Variants in ACSBG2 observed in about 807,000 individuals in gnomAD.
ACSBG2 encodes the protein acyl-CoA synthetase bubblegum family member 2.
In ACSBG2, 62 loss-of-function variants were observed where a neutral mutation model predicts 74.7. The observed-to-expected ratio is 0.83, with a 90% CI of 0.68 to 1.03. ACSBG2 has a LOEUF of 1.03. Among genes scored for constraint, ACSBG2 ranks in the 50% least tolerant of loss-of-function variants. The pLI is 0.00. For missense variants in ACSBG2, 730 were observed against 817.6 expected, an observed-to-expected ratio of 0.89 and a Z score of 1.31; for synonymous variants, 309 against 294.1, an observed-to-expected ratio of 1.05 and a Z score of -0.52.
chr19:6,142,143 T>C (rs967515623), intron 2 of ACSBG2, among the ~76,000 whole-genome samples: 2 of 152,152 alleles, frequency 1.3e-5, no homozygotes, highest in Admixed American at 6.5e-5. Context: ...ACTTGCTCTT[T>C]GGAGGCCTCA....
rs1315158492 is a variant in ACSBG2, at chr19:6,183,255, T to G, written c.1305T>G (p.Asn435Lys). 6.2e-7 allele frequency: 1 copy of G among 1,613,774 alleles called. No individual in the cohort carries two copies. Among genetic ancestry groups the G allele is most frequent in the Non-Finnish European group, 8.5e-7 (1 of 1,179,670 alleles). ...SSGPHTISNQNNYRLLSCGKI... is the reference protein window; with the variant it reads ...SSGPHTISNQKNYRLLSCGKI... Reference sequence around the variant, plus strand: ...GACCCCACACGATATCCAACCAGAATAACTACAGGCTTCTAAGGTACCAGC... The same window carrying G: ...GACCCCACACGATATCCAACCAGAAGAACTACAGGCTTCTAAGGTACCAGC... The change falls in exon 10 of 15, where the codon AAT (asparagine) becomes AAG (lysine). Residue 435 changes from asparagine (N) to lysine (K), a missense_variant. Coordinates refer to ENST00000588485, the MANE Select transcript of ACSBG2 (RefSeq NM_030924.5).
intron 13 of ACSBG2, 53 bp from the exon 14 acceptor site, chr19:6,190,527 GGTGT>G (rs1600145802): frequency 6.9e-7 from 1 of 1,450,316 alleles, no homozygotes. Context: ...GTCATGCATG[GGTGT>G]GTGTAATTTT....
intron 10 of ACSBG2, among the ~76,000 whole-genome samples, chr19:6,184,863 A>AC (rs2090360102): frequency 7.1e-6 from 1 of 139,866 alleles, no homozygotes; most frequent in Non-Finnish European, 1.5e-5. Flanking sequence ...AAAAAAAAAA[A>AC]AAAAAAAAAC....
rs573781157 is a variant in ACSBG2 at position 6,143,988 on chromosome 19, TGTTA to T, written c.67+2386_67+2389del. On this transcript the variant is annotated intron_variant, in intron 2 of 14. Transcript: ENST00000588485. ...TTGTTTGGTTTTGTTGTTGTTTTTT[TGTTA>T]GTTAGTTTGTTTGTTTGGTTTTTGA... is the stretch of plus-strand genomic sequence containing the variant. Among the ~76,000 whole-genome samples, 919 of 151,344 alleles carry T rather than the reference TGTTA, an allele frequency of 6.1e-3. 5 individuals are homozygous for T. The highest frequency in any genetic ancestry group is 9.9e-3 in the Non-Finnish European group (676 of 67,974).
At chr19:6,138,490 G>A (rs1337571748) in intron 1 of ACSBG2, among the ~76,000 whole-genome samples, 1 of 130,208 alleles carries the variant, frequency 7.7e-6, no homozygotes, top group Non-Finnish European at 1.6e-5. Flanking sequence ...GGGGAAGGGG[G>A]AAGGGGGAGG....
intron 7 of ACSBG2, among the ~76,000 whole-genome samples, chr19:6,169,071 G>A (rs905782922): frequency 2.0e-5 from 3 of 152,178 alleles, no homozygotes; most frequent in Admixed American, 6.5e-5. Flanking sequence ...GAGCCATGGC[G>A]CCTGGCCAAT....
chr19:6,168,999 G>C lies in ACSBG2; in HGVS notation c.738+2984G>C, dbSNP rs542219062. The stretch of plus-strand genomic sequence containing the variant: ...TCGCTATGTTGGGCAGGCTGGTCTC[G>C]AACTCCTGACTTCAAGTGATCCACC... On this transcript the variant is annotated intron_variant, in intron 7 of 14. Transcript: ENST00000588485. Among the ~76,000 whole-genome samples, 31 of 152,238 alleles carry C rather than the reference G, an allele frequency of 2.0e-4. No individual in the cohort carries two copies. In the South Asian group the frequency reaches 5.0e-3, roughly 24 times the overall value.
At chr19:6,179,020 G>C (rs1165159361) in intron 8 of ACSBG2, among the ~76,000 whole-genome samples, 3 of 152,160 alleles carry the variant, frequency 2.0e-5, no homozygotes, top group Middle Eastern at 3.2e-3. Flanking sequence ...ATCCATGTGG[G>C]ATAGGGAGCA....
rs1174676503 is a variant in ACSBG2, at chr19:6,152,391, C to T, written c.386+596C>T. On this transcript the variant is annotated intron_variant, in intron 4 of 14. Coordinates refer to ENST00000588485, the MANE Select transcript of ACSBG2 (RefSeq NM_030924.5). ...CTGCAAGCTCCGCTTCCCGGGTTCA[C>T]GCCATTCTCCTGCCTCAGGCTCCCG... Among the ~76,000 whole-genome samples, 3 of 67,456 alleles carry T rather than the reference C, an allele frequency of 4.4e-5. 1 individual carries two copies. Among genetic ancestry groups the T allele is most frequent in the African/African-American group, 1.3e-4 (3 of 22,872 alleles). 44.3% of individuals were successfully genotyped at this position (67,456 alleles called of 152,430 possible).
intron 8 of ACSBG2, among the ~76,000 whole-genome samples, chr19:6,179,316 T>TC: frequency 6.8e-6 from 1 of 147,924 alleles, no homozygotes; most frequent in African/African-American, 2.5e-5. Context: ...TTTTTTTTTT[T>TC]AGAGACAAGG....
chr19:6,174,139 G>T lies in ACSBG2; in HGVS notation c.739-3090G>T, dbSNP rs61386619. 0.02 allele frequency among the ~76,000 whole-genome samples: 3,117 copies of T among 152,116 alleles called. 108 individuals carry two copies. Among genetic ancestry groups the T allele is most frequent in the African/African-American group, 0.07 (2,925 of 41,490 alleles). The stretch of plus-strand genomic sequence containing the variant: ...ATTAGTAGAGATGGGGTTTCACCAC[G>T]TTGGCCAGGCTGGTCTCGAACTCCT... On this transcript the variant is annotated intron_variant, in intron 7 of 14. Transcript: ENST00000588485. The surrounding 1 kb of genome is among the most constrained non-coding windows in gnomAD (Gnocchi z 4.2).
Position 6,190,627 on chromosome 19 carries a change from C to CA in ACSBG2, c.1977dup (p.Gln660ThrfsTer3), listed in dbSNP as rs761843213. ...AGAGACATTTTGTAGCCCAGAAATA[C>CA]AAAAAACAAATTGATCACATGTACC... is the stretch of plus-strand genomic sequence containing the variant. On this transcript the variant is annotated frameshift_variant, in exon 14 of 15. Transcript: ENST00000588485. LOFTEE classifies it high-confidence loss of function. 20 of 1,614,006 alleles carry CA rather than the reference C, an allele frequency of 1.2e-5. No individual in the cohort carries two copies. The highest frequency in any genetic ancestry group is 1.6e-4 in the Middle Eastern group (1 of 6,062).
At position 6,147,531 on chromosome 19, in the gene ACSBG2, G is replaced by T. The variant is rs940861063; in HGVS notation, c.153G>T (p.Met51Ile). 9 of 1,614,158 alleles carry T rather than the reference G, an allele frequency of 5.6e-6. No homozygotes were observed. Among genetic ancestry groups the T allele is most frequent in the Non-Finnish European group, 7.6e-6 (9 of 1,180,032 alleles). ...ACGGACCAGGCCATGAGACCCCGAT[G>T]ACCATCCCTGAATTTTTTCGAGAGT... ...SKHGPGHETP[M>I]TIPEFFRESV... Residue 51 changes from methionine (M) to isoleucine (I), a missense_variant, in exon 3 of 15, where the codon ATG (methionine) becomes ATT (isoleucine). Coordinates refer to ENST00000588485, the MANE Select transcript of ACSBG2 (RefSeq NM_030924.5).
In ACSBG2 at chr19:6,174,803, G is replaced by A. The variant is rs2090051516; in HGVS notation, c.739-2426G>A. Among the ~76,000 whole-genome samples, 2 of 151,836 alleles carry A rather than the reference G, an allele frequency of 1.3e-5. No homozygotes were observed. ...ACTCCAGCCTGGGTGACAGAGTGAGGCCCTGTCTCATCATCATCTTTACAG... is the reference window on the plus strand; with the variant it reads ...ACTCCAGCCTGGGTGACAGAGTGAGACCCTGTCTCATCATCATCTTTACAG... On this transcript the variant is annotated intron_variant, in intron 7 of 14. Transcript: ENST00000588485. The surrounding 1 kb of genome is among the most constrained non-coding windows in gnomAD (Gnocchi z 4.2).
chr19:6,189,006 T>G lies in ACSBG2; in HGVS notation c.1927+1161T>G, dbSNP rs1330816188. Among the ~76,000 whole-genome samples, 9 of 152,094 alleles carry G rather than the reference T, an allele frequency of 5.9e-5. No homozygotes were observed. The South Asian group carries it at 8.3e-4, about 14-fold the overall frequency. On this transcript the variant is annotated intron_variant, in intron 13 of 14. Coordinates refer to ENST00000588485, the MANE Select transcript of ACSBG2 (RefSeq NM_030924.5). Reference sequence around the variant, plus strand: ...GAACTATATCTTGTGATTGGGTTTTTTGTGTGTGTGTGATTCTGGGGCAAT... The same window carrying G: ...GAACTATATCTTGTGATTGGGTTTTGTGTGTGTGTGTGATTCTGGGGCAAT...
chr19:6,161,112 AG>A, intron 5 of ACSBG2, 102 bp from the exon 6 acceptor site: 1 of 892,702 alleles, frequency 1.1e-6, no homozygotes. Flanking sequence ...AAAAAAAAAA[AG>A]AGGCTAGAGT....
intron 5 of ACSBG2, among the ~76,000 whole-genome samples, chr19:6,160,407 A>T (rs1017908659): frequency 6.9e-6 from 1 of 145,436 alleles, no homozygotes; most frequent in Non-Finnish European, 1.5e-5. Flanking sequence ...AAAAAAAAGA[A>T]AGAAAGAAAA....
chr19:6,181,131 G>A (rs2090237233), intron 8 of ACSBG2, among the ~76,000 whole-genome samples: 1 of 150,160 alleles, frequency 6.7e-6, no homozygotes, highest in Admixed American at 6.6e-5. Context: ...GGCTGAGACA[G>A]GAGAATAGCT....
intron 6 of ACSBG2, among the ~76,000 whole-genome samples, 191 bp from the exon 7 acceptor site, chr19:6,165,675 C>A (rs543271400): frequency 2.6e-5 from 4 of 152,160 alleles, no homozygotes; most frequent in African/African-American, 9.7e-5. Context: ...GGCTTGGTGA[C>A]GCTGCGAGGA....
Sources: allele counts gnomAD v4.1 joint callset (sites outside exome capture counted in the v4.1 genomes callset), GRCh38; gene constraint gnomAD v4.1.1; non-coding constraint Gnocchi (gnomAD v3.1); transcripts MANE v1.5; gene names NCBI Gene and HGNC (gene_info 2026-07-23, HGNC 2026-07-21).